The following YWHAG variants were observed in gnomAD, a reference collection of about 807,000 sequenced individuals.
YWHAG encodes the protein 14-3-3 protein gamma.
YWHAG carries 1 observed loss-of-function variant against 23.3 expected under a neutral mutation model. The ratio of observed to expected loss-of-function variants is 0.04; its 90% CI spans 0.02 to 0.20. YWHAG has a LOEUF of 0.20. Among genes scored for constraint, YWHAG ranks in the 10% least tolerant of loss-of-function variants. The pLI is 1.00. For synonymous variants in YWHAG, 160 were observed against 144.0 expected (o/e 1.11, Z -0.80); for missense variants, 151 against 338.6 (o/e 0.45, Z 4.35).
intron 1 of YWHAG, among the ~76,000 whole-genome samples, chr7:76,352,121 C>CA (rs1803884984): frequency 6.6e-6 from 1 of 152,024 alleles, no homozygotes; most frequent in South Asian, 2.1e-4. Flanking sequence ...TGTATAGAAA[C>CA]AGTCAAAAAT....
intron 1 of YWHAG, among the ~76,000 whole-genome samples, chr7:76,357,711 TTAAAA>T (rs1803982014): frequency 1.3e-5 from 2 of 152,160 alleles, no homozygotes; most frequent in African/African-American, 4.8e-5. Flanking sequence ...TTTTTCCCCT[TTAAAA>T]TAACTCCTCC....
chr7:76,338,002 G>C (rs1803640451), intron 1 of YWHAG, among the ~76,000 whole-genome samples: 1 of 151,984 alleles, frequency 6.6e-6, no homozygotes, highest in African/African-American at 2.4e-5. Flanking sequence ...CCGGTGACCA[G>C]GGAAAAGATG....
chr7:76,355,741 C>A (rs1392675075), intron 1 of YWHAG, among the ~76,000 whole-genome samples: 1 of 152,096 alleles, frequency 6.6e-6, no homozygotes. Flanking sequence ...CCTTTGCCCT[C>A]CCACCCCTCA....
rs572566800 is a variant in YWHAG at position 76,355,223 on chromosome 7, T to G, written c.87+3499A>C. On this transcript the variant is annotated intron_variant, in intron 1 of 1. Coordinates refer to ENST00000307630, the MANE Select transcript of YWHAG (RefSeq NM_012479.4). ...TGTGACAGTTATGTTACGCAACTTT[T>G]ACCTCGATAAAAACACATCGTTTTC... 3.9e-5 allele frequency among the ~76,000 whole-genome samples: 6 copies of G among 152,356 alleles called. No homozygotes were observed. The South Asian group carries it at 6.2e-4, about 16-fold the overall frequency.
chr7:76,354,785 C>T (rs550226466), intron 1 of YWHAG, among the ~76,000 whole-genome samples: 2 of 152,270 alleles, frequency 1.3e-5, no homozygotes, highest in East Asian at 1.9e-4. Flanking sequence ...GGGCTGAAAA[C>T]GAGTCACTAG....
At position 76,336,773 on chromosome 7, in the gene YWHAG, T is replaced by C. The variant is rs530821782; in HGVS notation, c.88-6540A>G. ...GCCCGGTCTTTTTTTTTTTTTTTTT[T>C]CAACCTAGCAAGTGCTAGGTATGAG... On this transcript the variant is annotated intron_variant, in intron 1 of 1. Coordinates refer to ENST00000307630, the MANE Select transcript of YWHAG (RefSeq NM_012479.4). Among the ~76,000 whole-genome samples the C allele has an allele frequency of 5.5e-3, 825 of 150,076 alleles. 10 individuals carry two copies. Among genetic ancestry groups the C allele is most frequent in the African/African-American group, 0.019 (758 of 40,484 alleles).
At chr7:76,347,823 C>T (rs992509211) in intron 1 of YWHAG, among the ~76,000 whole-genome samples, 1 of 152,200 alleles carries the variant, frequency 6.6e-6, no homozygotes, top group Non-Finnish European at 1.5e-5. Flanking sequence ...TGCTTCCATT[C>T]GGTTCTGAGT....
In YWHAG at chr7:76,356,276, C is replaced by A. The variant is rs184988337; in HGVS notation, c.87+2446G>T. Among the ~76,000 whole-genome samples, 21 of 152,280 alleles carry A rather than the reference C, an allele frequency of 1.4e-4. No individual in the cohort carries two copies. The East Asian group carries it at 3.7e-3, about 27-fold the overall frequency. ...TACTACATTTCTTATTGAATCCGCA[C>A]AACTTTTTCAAGTATTGTCCCATTT... On this transcript the variant is annotated intron_variant, in intron 1 of 1. Coordinates refer to ENST00000307630, the MANE Select transcript of YWHAG (RefSeq NM_012479.4).
At chr7:76,347,664 TTTC>T (rs1803801890) in intron 1 of YWHAG, among the ~76,000 whole-genome samples, 1 of 152,198 alleles carries the variant, frequency 6.6e-6, no homozygotes, top group African/African-American at 2.4e-5. Context: ...TAGCATCTCT[TTTC>T]TTCCTTTGAT....
rs758954176 is a variant in YWHAG at position 76,330,064 on chromosome 7, C to T, written c.257G>A (p.Arg86Gln). ...CTCCAACTCCTTCTCTATCTTCTCCCGGTACGCACGGACCATCTCAATCTT... is the reference window on the plus strand; with the variant it reads ...CTCCAACTCCTTCTCTATCTTCTCCTGGTACGCACGGACCATCTCAATCTT... ...EKKIEMVRAY[R>Q]EKIEKELEAV... Residue 86 changes from arginine to glutamine, a missense_variant, in exon 2 of 2, where the codon CGG becomes CAG. Arg to Gln is a conservative substitution (Grantham distance 43, BLOSUM62 1). Transcript: ENST00000307630. 1.2e-5 allele frequency: 20 copies of T among 1,614,026 alleles called. No homozygotes were observed. Among genetic ancestry groups the T allele is most frequent in the East Asian group, 2.2e-5 (1 of 44,896 alleles).
intron 1 of YWHAG, among the ~76,000 whole-genome samples, chr7:76,336,308 T>C (rs534372876): frequency 6.6e-6 from 1 of 152,292 alleles, no homozygotes; most frequent in East Asian, 1.9e-4. Context: ...CCTTGGGTGA[T>C]AATGTTTCAT....
At chr7:76,347,110 G>A (rs1057486144) in intron 1 of YWHAG, among the ~76,000 whole-genome samples, 8 of 152,092 alleles carry the variant, frequency 5.3e-5, no homozygotes, top group African/African-American at 1.9e-4. Flanking sequence ...GACGACCAGT[G>A]TCAACTAAGC....
chr7:76,345,926 G>C (rs1249064177), intron 1 of YWHAG, among the ~76,000 whole-genome samples: 5 of 152,052 alleles, frequency 3.3e-5, no homozygotes, highest in Admixed American at 1.3e-4. Flanking sequence ...GGGCTACAGA[G>C]TGAAACTCCG....
intron 1 of YWHAG, among the ~76,000 whole-genome samples, chr7:76,338,896 A>T (rs1803652720): frequency 6.6e-6 from 1 of 152,226 alleles, no homozygotes; most frequent in Non-Finnish European, 1.5e-5. Flanking sequence ...CATTCACACG[A>T]CATTTCTAGA....
chr7:76,341,914 T>C (rs760996852), intron 1 of YWHAG, among the ~76,000 whole-genome samples: 1 of 152,100 alleles, frequency 6.6e-6, no homozygotes. Flanking sequence ...TACTGAAAAA[T>C]TGCTGCACTA....
intron 1 of YWHAG, among the ~76,000 whole-genome samples, chr7:76,331,512 C>T (rs1358875553): frequency 2.0e-5 from 3 of 151,814 alleles, no homozygotes; most frequent in Non-Finnish European, 2.9e-5. Context: ...AACACAAATT[C>T]GTAAACTCTA....
intron 1 of YWHAG, among the ~76,000 whole-genome samples, chr7:76,349,420 CACACACACACACACACACACACAG>C (rs1459598883): frequency 1.4e-4 from 10 of 70,778 alleles, no homozygotes; most frequent in African/African-American, 4.2e-4. Context: ...TTTATTAATA[CACACACACACACACACACACACAG>C]ACACACACAC....
chr7:76,352,341 ACGGCAGCTGCT>A (rs1803888284), intron 1 of YWHAG, among the ~76,000 whole-genome samples: 1 of 151,990 alleles, frequency 6.6e-6, no homozygotes, highest in South Asian at 2.1e-4. Flanking sequence ...TTCCCTGCCC[ACGGCAGCTGCT>A]CTTCATACTC....
At position 76,327,668 on chromosome 7, in the gene YWHAG, G is replaced by GCCCCCCCCC. The variant is rs71085403; in HGVS notation, c.*1900_*1908dup. 3.6e-4 allele frequency: 17 copies of GCCCCCCCCC among 47,108 alleles called. No homozygotes were observed. The highest frequency in any genetic ancestry group is 7.6e-4 in the African/African-American group (6 of 7,894). 2.9% of individuals were successfully genotyped at this position (47,108 alleles called of 1,614,324 possible). A position where few individuals can be genotyped will look rare whatever the true frequency, so the allele number is the denominator to read the frequency against. ...AATTAGGGAAAGCCCCACCTACCCT[G>GCCCCCCCCC]CCCCCCCCCCCCTCCCCCCCCAAAT... On this transcript the variant is annotated 3_prime_UTR_variant, in exon 2 of 2. Transcript: ENST00000307630.
Sources: gnomAD v4.1 joint callset for allele counts (sites outside exome capture counted in the v4.1 genomes callset) on GRCh38, gnomAD v4.1.1 for gene constraint, MANE v1.5 for transcripts, NCBI Gene and HGNC (gene_info 2026-07-23, HGNC 2026-07-21) for gene names.